CACNA2D3: variants seen among roughly 807,000 people sequenced by gnomAD.
CACNA2D3 encodes voltage-dependent calcium channel subunit alpha-2/delta-3.
In CACNA2D3, 60 loss-of-function variants were observed where a neutral mutation model predicts 160.6. The observed-to-expected ratio is 0.37, with a 90% CI of 0.30 to 0.46. The LOEUF is 0.46. CACNA2D3 is among the 20% of genes least tolerant of loss of function. CACNA2D3 has a pLI of 1.00. For synonymous variants in CACNA2D3, 558 were observed against 492.9 expected, an observed-to-expected ratio of 1.13 and a Z score of -1.75; for missense variants, 1,205 against 1,365.0, an observed-to-expected ratio of 0.88 and a Z score of 1.85.
In CACNA2D3 at chr3:55,073,875, G is replaced by A; in HGVS notation, c.3183+16G>A. 1 of 1,604,368 alleles carries A rather than the reference G, an allele frequency of 6.2e-7. No individual in the cohort carries two copies. Among genetic ancestry groups the A allele is most frequent in the Non-Finnish European group, 8.5e-7 (1 of 1,171,804 alleles). On this transcript the variant is annotated intron_variant, in intron 37 of 37. Transcript: ENST00000474759. Reference sequence around the variant, plus strand: ...CCATCCTGAGGTAAGTCTGAGAACTGTTCCTGTTTCCTTTTCCCATCAGAA... The same window carrying A: ...CCATCCTGAGGTAAGTCTGAGAACTATTCCTGTTTCCTTTTCCCATCAGAA...
At chr3:54,156,162 A>G (rs6800628) in intron 2 of CACNA2D3, among the ~76,000 whole-genome samples, 10,455 of 152,126 alleles carry the variant, frequency 0.069, 1,176 homozygotes, top group African/African-American at 0.24. Context: ...TCTGGGTGCA[A>G]ATAGCTTATT....
chr3:54,865,575 C>T (rs935680802), intron 17 of CACNA2D3, among the ~76,000 whole-genome samples: 1 of 152,272 alleles, frequency 6.6e-6, no homozygotes, highest in Non-Finnish European at 1.5e-5. Context: ...CACTCTGCCA[C>T]AGGCCCCTCT....
chr3:54,791,037 T>TG (rs1702745094), intron 13 of CACNA2D3, among the ~76,000 whole-genome samples: 2 of 66,812 alleles, frequency 3.0e-5, no homozygotes, highest in African/African-American at 1.7e-4. Flanking sequence ...GCACCTTCTT[T>TG]GTATTTTTTT....
rs140304439 is a variant in CACNA2D3 at position 54,529,564 on chromosome 3, G to C, written c.544+25910G>C. On this transcript the variant is annotated intron_variant, in intron 5 of 37. Coordinates refer to ENST00000474759, the MANE Select transcript of CACNA2D3 (RefSeq NM_018398.3). ...TTCGGTTTCCTTACCTGTGAAGTGG[G>C]AATGATGTTCCTCCCAGTTGCTGTG... 3.7e-3 allele frequency among the ~76,000 whole-genome samples: 556 copies of C among 152,270 alleles called. 2 individuals carry two copies. The highest frequency in any genetic ancestry group is 0.013 in the African/African-American group (531 of 41,558).
At chr3:55,013,926 G>A (rs9815514) in intron 34 of CACNA2D3, among the ~76,000 whole-genome samples, 10,505 of 152,146 alleles carry the variant, frequency 0.069, 1,233 homozygotes, top group African/African-American at 0.24. Flanking sequence ...AAGAAATTCA[G>A]TTGTGCGGAC....
intron 2 of CACNA2D3, among the ~76,000 whole-genome samples, chr3:54,203,808 T>C (rs534442861): frequency 2.0e-5 from 3 of 152,100 alleles, no homozygotes; most frequent in African/African-American, 7.2e-5. Flanking sequence ...CTTCCGCTGA[T>C]GTGCCTCTTG....
intron 2 of CACNA2D3, among the ~76,000 whole-genome samples, chr3:54,253,420 C>G (rs535402251): frequency 6.6e-6 from 1 of 152,084 alleles, no homozygotes; most frequent in Non-Finnish European, 1.5e-5. Flanking sequence ...GGTCACATGG[C>G]TGGAGCAGGA....
intron 2 of CACNA2D3, among the ~76,000 whole-genome samples, chr3:54,188,139 G>A (rs1176140944): frequency 6.6e-6 from 1 of 152,170 alleles, no homozygotes; most frequent in Non-Finnish European, 1.5e-5. Flanking sequence ...AGAACTCATT[G>A]TATAGACTGT....
intron 4 of CACNA2D3, among the ~76,000 whole-genome samples, chr3:54,498,367 G>A (rs1031056031): frequency 2.6e-5 from 4 of 151,862 alleles, no homozygotes; most frequent in Non-Finnish European, 4.4e-5. Flanking sequence ...GAACTTATTG[G>A]CATAAAGTTG....
At position 54,607,239 on chromosome 3, in the gene CACNA2D3, T is replaced by C. The variant is rs549464954; in HGVS notation, c.964-20548T>C. The stretch of plus-strand genomic sequence containing the variant: ...CATGTTCATGTCCCTCTAGATCTGT[T>C]TCTCCCCACCTCCTGTCCCTGAGGT... On this transcript the variant is annotated intron_variant, in intron 9 of 37. Transcript: ENST00000474759. 2.0e-3 allele frequency among the ~76,000 whole-genome samples: 301 copies of C among 152,292 alleles called. 2 individuals are homozygous for C. The highest frequency in any genetic ancestry group is 6.6e-3 in the African/African-American group (276 of 41,566).
chr3:54,685,849 C>T (rs1700440331), intron 11 of CACNA2D3, among the ~76,000 whole-genome samples: 1 of 152,192 alleles, frequency 6.6e-6, no homozygotes, highest in Non-Finnish European at 1.5e-5. Context: ...AAAATCATCA[C>T]TCATCTGTGC....
At chr3:54,630,065 G>A (rs2106820820) in intron 10 of CACNA2D3, among the ~76,000 whole-genome samples, 1 of 152,268 alleles carries the variant, frequency 6.6e-6, no homozygotes, top group Middle Eastern at 3.4e-3. Flanking sequence ...CTTGAACCAA[G>A]TGCGGAGCTT....
At chr3:54,410,429 T>C (rs1260033323) in intron 4 of CACNA2D3, among the ~76,000 whole-genome samples, 1 of 152,048 alleles carries the variant, frequency 6.6e-6, no homozygotes, top group Non-Finnish European at 1.5e-5. Flanking sequence ...CTGACTCTCT[T>C]ATTAGGGGCT....
chr3:54,905,054 C>T (rs546845072), intron 27 of CACNA2D3, among the ~76,000 whole-genome samples: 2 of 152,278 alleles, frequency 1.3e-5, no homozygotes, highest in South Asian at 4.1e-4. Flanking sequence ...GGAGTATAGA[C>T]ACCAGAGACA....
At chr3:54,133,402 G>A (rs537887332) in intron 2 of CACNA2D3, among the ~76,000 whole-genome samples, 2 of 152,288 alleles carry the variant, frequency 1.3e-5, no homozygotes, top group Middle Eastern at 6.8e-3. Context: ...CCCAGTTCAG[G>A]TGCTTGAGCT....
At chr3:54,609,279 G>A (rs975039146) in intron 9 of CACNA2D3, among the ~76,000 whole-genome samples, 31 of 152,256 alleles carry the variant, frequency 2.0e-4, no homozygotes, top group South Asian at 8.3e-4. Flanking sequence ...CAAAACTGCC[G>A]ACACCTTCAC....
chr3:54,975,248 A>G (rs905797622), intron 29 of CACNA2D3, among the ~76,000 whole-genome samples: 4 of 152,148 alleles, frequency 2.6e-5, no homozygotes, highest in South Asian at 2.1e-4. Flanking sequence ...GCTGGGCACG[A>G]TGGCTCACAC....
chr3:54,416,515 C>A (rs1317973780), intron 4 of CACNA2D3, among the ~76,000 whole-genome samples: 1 of 152,148 alleles, frequency 6.6e-6, no homozygotes, highest in Non-Finnish European at 1.5e-5. Flanking sequence ...TGGTTATCAT[C>A]AGAGTTGTGA....
At chr3:54,930,968 C>G (rs1701173659) in intron 27 of CACNA2D3, among the ~76,000 whole-genome samples, 1 of 152,012 alleles carries the variant, frequency 6.6e-6, no homozygotes, top group African/African-American at 2.4e-5. Flanking sequence ...TGATGGTGGC[C>G]TTCTGTAATC....
Sources: allele counts gnomAD v4.1 joint callset (sites outside exome capture counted in the v4.1 genomes callset), GRCh38; gene constraint gnomAD v4.1.1; transcripts MANE v1.5; gene names NCBI Gene and HGNC (gene_info 2026-07-23, HGNC 2026-07-21).